SLC4A5: variants seen among roughly 807,000 people sequenced by gnomAD.
The protein encoded by SLC4A5 is electrogenic sodium bicarbonate cotransporter 4.
In SLC4A5, 96 loss-of-function variants were observed where a neutral mutation model predicts 120.4. The ratio of observed to expected loss-of-function variants is 0.80; its 90% CI spans 0.68 to 0.94. The LOEUF (loss-of-function observed/expected upper bound fraction) is 0.94. Among genes scored for constraint, SLC4A5 ranks in the 40% least tolerant of loss-of-function variants. The pLI is 0.00. For synonymous variants in SLC4A5, 550 were observed against 571.1 expected, an observed-to-expected ratio of 0.96 and a Z score of 0.53; for missense variants, 1,259 against 1,459.5, an observed-to-expected ratio of 0.86 and a Z score of 2.24.
At chr2:74,248,772 A>C in intron 17 of SLC4A5, among the ~76,000 whole-genome samples, 1 of 152,008 alleles carries the variant, frequency 6.6e-6, no homozygotes, top group East Asian at 1.9e-4. Context: ...TGTCCATTCT[A>C]CTCCCAGAGG....
At chr2:74,330,814 G>GAGGTGTATGGTGTAGGTGT (rs1673341902) in intron 4 of SLC4A5, among the ~76,000 whole-genome samples, 1 of 136,528 alleles carries the variant, frequency 7.3e-6, no homozygotes, top group Non-Finnish European at 1.5e-5. Context: ...GGTCTAGATG[G>GAGGTGTATGGTGTAGGTGT]AGGCGGTGAG....
chr2:74,308,979 A>G (rs1160306666), intron 6 of SLC4A5, among the ~76,000 whole-genome samples: 1 of 151,426 alleles, frequency 6.6e-6, no homozygotes, highest in Non-Finnish European at 1.5e-5. Context: ...CAGTGGTATG[A>G]TCATGGCTCA....
chr2:74,304,665 TGGATAGGA>T lies in SLC4A5; in HGVS notation c.87_94del (p.Pro30HisfsTer14). 6.2e-7 allele frequency: 1 copy of T among 1,613,436 alleles called. No homozygotes were observed. The highest frequency in any genetic ancestry group is 8.5e-7 in the Non-Finnish European group (1 of 1,179,732). On this transcript the variant is annotated frameshift_variant, in exon 7 of 31. Transcript: ENST00000394019. LOFTEE classifies it high-confidence loss of function. ...GTAAGTGGGTACTGGAAGCCCAATGTGGATAGGAGGGCATTCTGTGGACACGGCACAAA... is the reference window on the plus strand; with the variant it reads ...GTAAGTGGGTACTGGAAGCCCAATGTGGGCATTCTGTGGACACGGCACAAA...
intron 6 of SLC4A5, among the ~76,000 whole-genome samples, chr2:74,314,257 T>G (rs1672896226): frequency 6.6e-6 from 1 of 152,186 alleles, no homozygotes; most frequent in Non-Finnish European, 1.5e-5. Flanking sequence ...TACATTCTCC[T>G]CTGTGGCTCT....
intron 30 of SLC4A5, 33 bp downstream of exon 30, chr2:74,221,401 T>C: frequency 6.6e-7 from 1 of 1,510,696 alleles, no homozygotes; most frequent in Non-Finnish European, 9.2e-7. Flanking sequence ...GTCTCTTACC[T>C]AATACGCAAG....
At chr2:74,315,447 G>GAAAA (rs57640033) in intron 5 of SLC4A5, among the ~76,000 whole-genome samples, 2 of 83,132 alleles carry the variant, frequency 2.4e-5, no homozygotes, top group African/African-American at 3.2e-5. Context: ...CTTACGAAAA[G>GAAAA]AAAAAAAAAA....
At chr2:74,242,278 G>T (rs1199833410) in intron 19 of SLC4A5, among the ~76,000 whole-genome samples, 1 of 152,234 alleles carries the variant, frequency 6.6e-6, no homozygotes, top group East Asian at 1.9e-4. Flanking sequence ...GACAGCACCT[G>T]CCTGACCACG....
Position 74,227,890 on chromosome 2 carries a change from G to C in SLC4A5, c.2848-12C>G. ...GGCAGGGGGATACACTAAAATGAGA[G>C]CAGAGCTTTGGATCGGCCTCTGCCT... On this transcript the variant is annotated splice_polypyrimidine_tract_variant and intron_variant, in intron 25 of 30. Coordinates refer to ENST00000394019, the Ensembl canonical transcript of SLC4A5. 3 of 1,597,128 alleles carry C rather than the reference G, an allele frequency of 1.9e-6. No homozygotes were observed. Among genetic ancestry groups the C allele is most frequent in the Middle Eastern group, 1.7e-4 (1 of 5,998 alleles).
rs962340367 is a variant in SLC4A5, at chr2:74,252,178, C to T, written c.1478+1G>A. ...GTCACTGGGAGGCCTGGGGTGGGCACCTTCCTGTCCAGATAAGTTCCTCCC... is the reference window on the plus strand; with the variant it reads ...GTCACTGGGAGGCCTGGGGTGGGCATCTTCCTGTCCAGATAAGTTCCTCCC... On this transcript the variant is annotated splice_donor_variant, in intron 16 of 30. Transcript: ENST00000394019. LOFTEE classifies it high-confidence loss of function. 1.9e-6 allele frequency: 3 copies of T among 1,612,142 alleles called. No individual in the cohort carries two copies. Among genetic ancestry groups the T allele is most frequent in the Admixed American group, 3.3e-5 (2 of 59,968 alleles).
chr2:74,231,183 T>C, intron 25 of SLC4A5, 53 bp downstream of exon 25: 3 of 1,545,760 alleles, frequency 1.9e-6, no homozygotes, highest in Non-Finnish European at 2.7e-6. Flanking sequence ...GCCTAAGGCA[T>C]CCGCTCTGCT....
intron 7 of SLC4A5, among the ~76,000 whole-genome samples, chr2:74,298,509 G>A (rs766982543): frequency 2.2e-4 from 34 of 152,194 alleles, no homozygotes; most frequent in Non-Finnish European, 4.1e-4. Flanking sequence ...CATTGGTCTT[G>A]GCAGTGATTT....
intron 6 of SLC4A5, among the ~76,000 whole-genome samples, chr2:74,313,841 G>C (rs955219053): frequency 6.6e-6 from 1 of 152,160 alleles, no homozygotes; most frequent in Admixed American, 6.6e-5. Flanking sequence ...TTGAGGCCAG[G>C]AATGGAAATG....
intron 8 of SLC4A5, among the ~76,000 whole-genome samples, chr2:74,282,018 T>A (rs1420736089): frequency 2.0e-5 from 3 of 152,176 alleles, no homozygotes; most frequent in Non-Finnish European, 4.4e-5. Context: ...ACATCTGAGA[T>A]CTCTAGCTTC....
chr2:74,265,985 T>G (rs1671289480), intron 8 of SLC4A5, among the ~76,000 whole-genome samples: 1 of 152,188 alleles, frequency 6.6e-6, no homozygotes, highest in Non-Finnish European at 1.5e-5. Context: ...CTTTGTAAGA[T>G]GTCAACCACA....
chr2:74,253,929 C>T (rs1001100288), intron 14 of SLC4A5, among the ~76,000 whole-genome samples: 1 of 152,142 alleles, frequency 6.6e-6, no homozygotes, highest in African/African-American at 2.4e-5. Context: ...GGAAATGCCA[C>T]AACTAAAAAC....
At chr2:74,290,830 C>T (rs957213062) in intron 7 of SLC4A5, 18 of 887,880 alleles carry the variant, frequency 2.0e-5, no homozygotes, top group Non-Finnish European at 2.2e-5. Flanking sequence ...TTACCCCCTT[C>T]CCCATGAGTG....
At chr2:74,313,536 A>G (rs1672872874) in intron 6 of SLC4A5, among the ~76,000 whole-genome samples, 1 of 152,200 alleles carries the variant, frequency 6.6e-6, no homozygotes, top group African/African-American at 2.4e-5. Flanking sequence ...ACCCCACTGC[A>G]TGCTCTTCTG....
At chr2:74,257,942 C>T (rs544253644) in intron 12 of SLC4A5, among the ~76,000 whole-genome samples, 165 of 152,278 alleles carry the variant, frequency 1.1e-3, no homozygotes, top group African/African-American at 3.7e-3. Context: ...CTTCCTTACA[C>T]GTTGTGACAT....
At chr2:74,248,226 C>T (rs1670679680) in intron 18 of SLC4A5, 127 bp downstream of exon 18, 1 of 1,301,960 alleles carries the variant, frequency 7.7e-7, no homozygotes, top group African/African-American at 1.5e-5. Context: ...TAGCCCTTCC[C>T]ATAGTTAAAG....
Sources: gnomAD v4.1 joint callset for allele counts (sites outside exome capture counted in the v4.1 genomes callset) on GRCh38, gnomAD v4.1.1 for gene constraint, MANE v1.5 for transcripts, NCBI Gene and HGNC (gene_info 2026-07-23, HGNC 2026-07-21) for gene names.